The following RBMS2 variants were observed in gnomAD, a reference collection of about 807,000 sequenced individuals.
The protein encoded by RBMS2 is RNA-binding motif, single-stranded-interacting protein 2.
Under a neutral mutation model 58.4 loss-of-function variants are expected in RBMS2, and 38 were observed. The ratio of observed to expected loss-of-function variants is 0.65; its 90% CI spans 0.50 to 0.85. The LOEUF (loss-of-function observed/expected upper bound fraction) is 0.85, where lower values mean the gene tolerates loss of function less well. Ranked by LOEUF, RBMS2 falls within the 40% of genes least tolerant of loss-of-function variation. The pLI, the probability that RBMS2 is intolerant of heterozygous loss-of-function variation, is 0.00. For synonymous variants in RBMS2, 151 were observed against 180.7 expected (o/e 0.84, Z 1.32); for missense variants, 367 against 503.7 (o/e 0.73, Z 2.60).
intron 1 of RBMS2, among the ~76,000 whole-genome samples, chr12:56,551,948 C>T (rs147793119): frequency 6.6e-6 from 1 of 152,118 alleles, no homozygotes; most frequent in African/African-American, 2.4e-5. Flanking sequence ...CTTAGCCGGG[C>T]ATGGTGGCAT....
chr12:56,586,531 C>T (rs1206097698), intron 9 of RBMS2, among the ~76,000 whole-genome samples: 3 of 151,240 alleles, frequency 2.0e-5, no homozygotes, highest in African/African-American at 7.3e-5. Flanking sequence ...ATTTGTATAT[C>T]TTCTTAGAGA....
At chr12:56,552,029 A>G (rs553377588) in intron 1 of RBMS2, among the ~76,000 whole-genome samples, 10 of 152,350 alleles carry the variant, frequency 6.6e-5, no homozygotes, top group African/African-American at 1.7e-4. Context: ...TAGAGGTTGC[A>G]GTGAGCCGAG....
chr12:56,526,609 A>T (rs1432337272), intron 1 of RBMS2, among the ~76,000 whole-genome samples: 1 of 145,184 alleles, frequency 6.9e-6, no homozygotes, highest in East Asian at 2.0e-4. Context: ...CTGCAAGATA[A>T]TTTTGTGTTT....
chr12:56,542,886 C>G lies in RBMS2; in HGVS notation c.67-19531C>G, dbSNP rs114092286. On this transcript the variant is annotated intron_variant, in intron 1 of 13. Transcript: ENST00000262031. ...TTTTTAACCATCCCATATTTCATTT[C>G]TTTTTATTATTTTTATTTATTTATT... Among the ~76,000 whole-genome samples, 998 of 151,284 alleles carry G rather than the reference C, an allele frequency of 6.6e-3. 11 individuals are homozygous for G. Among genetic ancestry groups the G allele is most frequent in the African/African-American group, 0.023 (942 of 41,376 alleles).
At chr12:56,543,910 C>T (rs896822759) in intron 1 of RBMS2, among the ~76,000 whole-genome samples, 2 of 151,506 alleles carry the variant, frequency 1.3e-5, no homozygotes, top group South Asian at 2.1e-4. Context: ...TTAAGTGATC[C>T]GCCCACCTCA....
At chr12:56,586,051 G>A (rs562648907) in intron 9 of RBMS2, among the ~76,000 whole-genome samples, 105 of 151,224 alleles carry the variant, frequency 6.9e-4, no homozygotes, top group Middle Eastern at 3.5e-3. Context: ...GGTGTGGGCC[G>A]GGCACGGTGG....
rs937011220 is a variant in RBMS2 at position 56,594,936 on chromosome 12, A to C, written c.*5803A>C. ...GGGCTAGAAAAGGCTCATAATTTTT[A>C]AACTCTTGGGAATTAAACTTGGGAA... On this transcript the variant is annotated 3_prime_UTR_variant, in exon 14 of 14. Coordinates refer to ENST00000262031, the MANE Select transcript of RBMS2 (RefSeq NM_002898.4). 3 of 152,152 alleles carry C rather than the reference A, an allele frequency of 2.0e-5. No individual in the cohort carries two copies. Among genetic ancestry groups the C allele is most frequent in the African/African-American group, 7.3e-5 (3 of 41,374 alleles). The allele number at this position is 152,152 out of a possible 1,614,324, so 9.4% of individuals were successfully genotyped here.
intron 1 of RBMS2, among the ~76,000 whole-genome samples, chr12:56,544,762 T>TTAA (rs1876834836): frequency 7.1e-6 from 1 of 140,282 alleles, no homozygotes; most frequent in Admixed American, 7.3e-5. Context: ...TAATTTTTTT[T>TTAA]TTTTTCTTTT....
intron 1 of RBMS2, among the ~76,000 whole-genome samples, chr12:56,559,159 A>G (rs1031764719): frequency 6.6e-6 from 1 of 152,032 alleles, no homozygotes; most frequent in African/African-American, 2.4e-5. Context: ...GATCAATAAT[A>G]GCAACTCCTT....
chr12:56,560,032 T>G (rs1227893637), intron 1 of RBMS2, among the ~76,000 whole-genome samples: 1 of 150,516 alleles, frequency 6.6e-6, no homozygotes, highest in Non-Finnish European at 1.5e-5. Flanking sequence ...GTAGCTGGGA[T>G]TACAGGCATG....
At chr12:56,534,285 T>C (rs114408581) in intron 1 of RBMS2, among the ~76,000 whole-genome samples, 3,048 of 152,338 alleles carry the variant, frequency 0.02, 124 homozygotes, top group African/African-American at 0.068. Flanking sequence ...TAGATTGTGT[T>C]TGTTCATTTT....
At chr12:56,568,074 G>T (rs193046083) in intron 2 of RBMS2, among the ~76,000 whole-genome samples, 14 of 152,170 alleles carry the variant, frequency 9.2e-5, no homozygotes, top group Non-Finnish European at 2.1e-4. Flanking sequence ...AGATGATGAG[G>T]CTGAGACACC....
chr12:56,567,927 A>G (rs1453788751), intron 2 of RBMS2, among the ~76,000 whole-genome samples: 2 of 152,190 alleles, frequency 1.3e-5, no homozygotes, highest in African/African-American at 4.8e-5. Context: ...GTCTTAGAGT[A>G]AGGCAAAGAG....
chr12:56,528,249 C>CAAA (rs35558222), intron 1 of RBMS2, among the ~76,000 whole-genome samples: 6 of 135,654 alleles, frequency 4.4e-5, no homozygotes, highest in East Asian at 2.1e-4. Flanking sequence ...GACCATGTAT[C>CAAA]AAAAAAAAAA....
intron 1 of RBMS2, among the ~76,000 whole-genome samples, chr12:56,537,982 T>G (rs1372670353): frequency 2.6e-5 from 4 of 152,034 alleles, no homozygotes; most frequent in African/African-American, 7.2e-5. Context: ...TTGTAAATCT[T>G]CTTTGGAGAT....
chr12:56,553,945 C>T (rs1456117698), intron 1 of RBMS2, among the ~76,000 whole-genome samples: 3 of 151,854 alleles, frequency 2.0e-5, no homozygotes, highest in Non-Finnish European at 4.4e-5. Context: ...CTGCCCCAGC[C>T]TCCCGAGTAG....
Position 56,581,745 on chromosome 12 carries a change from C to T in RBMS2, c.733-88C>T, listed in dbSNP as rs758857617. 4 of 1,497,818 alleles carry T rather than the reference C, an allele frequency of 2.7e-6. No homozygotes were observed. In the Admixed American group the frequency reaches 7.3e-5, roughly 27 times the overall value. 92.8% of individuals were successfully genotyped at this position (1,497,818 alleles called of 1,614,324 possible). A position where few individuals can be genotyped will look rare whatever the true frequency, so the allele number is the denominator to read the frequency against. On this transcript the variant is annotated intron_variant, in intron 7 of 13. Transcript: ENST00000262031. The stretch of plus-strand genomic sequence containing the variant: ...TTGTCTAGGCTTTAATTTGTTAAAC[C>T]AAAACATTCCCAGCCTTGGACATTC...
At chr12:56,537,946 G>A (rs143578152) in intron 1 of RBMS2, among the ~76,000 whole-genome samples, 317 of 151,442 alleles carry the variant, frequency 2.1e-3, no homozygotes, top group Non-Finnish European at 3.0e-3. Flanking sequence ...GATGTTGAAC[G>A]TCTTTTCACA....
At chr12:56,574,842 A>T (rs913197716) in intron 5 of RBMS2, among the ~76,000 whole-genome samples, 4 of 152,186 alleles carry the variant, frequency 2.6e-5, no homozygotes, top group Non-Finnish European at 4.4e-5. Context: ...TACACAAATC[A>T]TTCATTTAAA....
Sources: allele counts gnomAD v4.1 joint callset (sites outside exome capture counted in the v4.1 genomes callset), GRCh38; gene constraint gnomAD v4.1.1; transcripts MANE v1.5; gene names NCBI Gene and HGNC (gene_info 2026-07-23, HGNC 2026-07-21).